Variants in ITPR1 observed in about 807,000 individuals in gnomAD.
The protein encoded by ITPR1 is inositol 1,4,5-trisphosphate receptor type 1.
A neutral mutation model predicts 318.4 loss-of-function variants in ITPR1; 96 were observed. The observed-to-expected ratio is 0.30, with a 90% CI of 0.26 to 0.36. The LOEUF is 0.36. ITPR1 is among the 10% of genes least tolerant of loss of function. The pLI is 1.00. For synonymous variants in ITPR1, 1,312 were observed against 1,289.9 expected, an observed-to-expected ratio of 1.02 and a Z score of -0.37; for missense variants, 2,440 against 3,460.2, an observed-to-expected ratio of 0.71 and a Z score of 7.40.
chr3:4,613,746 C>G (rs946531394), intron 4 of ITPR1, among the ~76,000 whole-genome samples: 3 of 152,180 alleles, frequency 2.0e-5, no homozygotes, highest in African/African-American at 4.8e-5. Context: ...GATCATCCTT[C>G]TTTTCATGGG....
intron 4 of ITPR1, among the ~76,000 whole-genome samples, chr3:4,586,103 C>CACT (rs1425486659): frequency 2.0e-5 from 3 of 152,176 alleles, no homozygotes; most frequent in Non-Finnish European, 4.4e-5. Flanking sequence ...ATGAACTCAT[C>CACT]TTTTTATGGC....
In ITPR1 at chr3:4,768,659, C is replaced by A. The variant is rs770373369; in HGVS notation, c.5874C>A (p.Ala1958=). Residue 1958 remains alanine, a synonymous_variant, in exon 46 of 62, where the codon GCC becomes GCA. Coordinates refer to ENST00000649015, the MANE Select transcript of ITPR1 (RefSeq NM_001378452.1). ...CTGGAGAGGGCACCCAGGCCACTGC[C>A]GACAAGGCCAAGGACGACCTGGAGA... ...YQPGEGTQAT[A]DKAKDDLEMS... is the part of the protein sequence containing the mutation. The A allele has an allele frequency of 9.3e-6, 15 of 1,613,840 alleles. No homozygotes were observed. Among genetic ancestry groups the A allele is most frequent in the South Asian group, 6.6e-5 (6 of 91,078 alleles).
At position 4,782,609 on chromosome 3, in the gene ITPR1, C is replaced by T. The variant is rs2125397830; in HGVS notation, c.6388-10C>T. The T allele has an allele frequency of 8.1e-6, 13 of 1,601,188 alleles. No homozygotes were observed. Among genetic ancestry groups the T allele is most frequent in the Non-Finnish European group, 1.1e-5 (13 of 1,173,510 alleles). ...AAACAGGATTTTTGTTCCCTTGGCT[C>T]TTCTTGCAGGTGGAAGTGATCAAGA... On this transcript the variant is annotated splice_polypyrimidine_tract_variant and intron_variant, in intron 49 of 61. Transcript: ENST00000649015.
chr3:4,517,198 G>A (rs561707764), intron 3 of ITPR1, among the ~76,000 whole-genome samples: 195 of 152,054 alleles, frequency 1.3e-3, no homozygotes, highest in African/African-American at 4.5e-3. Context: ...ATCTTCTCCC[G>A]TCTCCTCCTA....
At chr3:4,643,828 C>T (rs2093393219) in intron 7 of ITPR1, among the ~76,000 whole-genome samples, 1 of 150,612 alleles carries the variant, frequency 6.6e-6, no homozygotes, top group African/African-American at 2.4e-5. Flanking sequence ...TTAGTTAAAA[C>T]TTACTTATAT....
At chr3:4,564,207 C>T (rs1351661675) in intron 4 of ITPR1, among the ~76,000 whole-genome samples, 3 of 152,158 alleles carry the variant, frequency 2.0e-5, no homozygotes, top group African/African-American at 7.2e-5. Flanking sequence ...TCCCAAAGTG[C>T]TGGGATTACA....
chr3:4,679,535 C>T (rs1027366119), intron 24 of ITPR1, among the ~76,000 whole-genome samples: 4 of 152,206 alleles, frequency 2.6e-5, no homozygotes, highest in African/African-American at 9.6e-5. Flanking sequence ...ATTCGGTCTT[C>T]CTCCACCTGT....
At chr3:4,670,286 C>T (rs2094045356) in intron 19 of ITPR1, among the ~76,000 whole-genome samples, 2 of 152,210 alleles carry the variant, frequency 1.3e-5, no homozygotes, top group African/African-American at 4.8e-5. Context: ...TAAATTACGT[C>T]CTGAGCTAGT....
intron 60 of ITPR1, among the ~76,000 whole-genome samples, chr3:4,820,474 G>C (rs550814359): frequency 4.6e-5 from 7 of 152,250 alleles, no homozygotes; most frequent in Admixed American, 1.3e-4. Flanking sequence ...AGACTTAAAG[G>C]CGTCTTGTGA....
chr3:4,721,182 A>G (rs201607651), intron 40 of ITPR1, among the ~76,000 whole-genome samples: 3,670 of 25,646 alleles, frequency 0.14, 174 homozygotes, highest in Non-Finnish European at 0.33. Context: ...GTATATATAT[A>G]TATATATATA....
chr3:4,573,881 G>A (rs2088305975), intron 4 of ITPR1, among the ~76,000 whole-genome samples: 1 of 152,176 alleles, frequency 6.6e-6, no homozygotes, highest in Admixed American at 6.5e-5. Context: ...TCTTATGGCT[G>A]TTTTCCCCAA....
chr3:4,748,160 C>A (rs1200595262), intron 44 of ITPR1, among the ~76,000 whole-genome samples: 1 of 152,228 alleles, frequency 6.6e-6, no homozygotes, highest in African/African-American at 2.4e-5. Flanking sequence ...TACCCAAAGT[C>A]ACCCAGTTGG....
At chr3:4,657,764 C>G (rs1281597861) in intron 12 of ITPR1, among the ~76,000 whole-genome samples, 1 of 151,874 alleles carries the variant, frequency 6.6e-6, no homozygotes, top group Non-Finnish European at 1.5e-5. Context: ...TGCAGCCAGC[C>G]TGGGCTAATT....
intron 4 of ITPR1, among the ~76,000 whole-genome samples, chr3:4,624,694 G>C (rs930620441): frequency 3.8e-5 from 5 of 132,338 alleles, no homozygotes; most frequent in Admixed American, 3.0e-4. Flanking sequence ...AAAAAAAAAA[G>C]ATTAAACTAT....
intron 19 of ITPR1, 69 bp downstream of exon 19, chr3:4,669,842 A>G: frequency 1.4e-6 from 2 of 1,409,200 alleles, no homozygotes. Context: ...ATGAGGAATA[A>G]AACCTAGCCC....
In ITPR1 at chr3:4,758,849, G is replaced by T. The variant is rs2931772; in HGVS notation, c.5545-7681G>T. On this transcript the variant is annotated intron_variant, in intron 44 of 61. Coordinates refer to ENST00000649015, the MANE Select transcript of ITPR1 (RefSeq NM_001378452.1). ...CATTTGTGCCCTGGGTTCGTTAGCT[G>T]AAAAATGAGGGTCTTACCATCTGCC... is the stretch of plus-strand genomic sequence containing the variant. Among the ~76,000 whole-genome samples the T allele has an allele frequency of 4.5e-4, 69 of 152,306 alleles. 1 individual carries two copies. In the East Asian group the frequency reaches 0.012, roughly 26 times the overall value.
chr3:4,735,169 G>A lies in ITPR1; in HGVS notation c.5359G>A (p.Gly1787Ser), dbSNP rs780633544. ...GPGKPGGGGG[G>S]SGSSSMSRGE... ...ACAATATTCCATCTTCTTAGGGGGA[G>A]GTTCCGGATCCAGCTCTATGAGCAG... Residue 1787 changes from glycine (G) to serine (S), a missense_variant, in exon 44 of 62, where the codon GGT (glycine) becomes AGT (serine). Coordinates refer to ENST00000649015, the MANE Select transcript of ITPR1 (RefSeq NM_001378452.1). 6 of 1,611,958 alleles carry A rather than the reference G, an allele frequency of 3.7e-6. No homozygotes were observed. The South Asian group carries it at 6.6e-5, about 18-fold the overall frequency.
intron 4 of ITPR1, among the ~76,000 whole-genome samples, chr3:4,562,729 T>TA (rs34217045): frequency 0.012 from 1,761 of 147,032 alleles, 29 homozygotes; most frequent in African/African-American, 0.041. Flanking sequence ...ACGCATTCAT[T>TA]AAAAAAAAAA....
intron 19 of ITPR1, among the ~76,000 whole-genome samples, chr3:4,670,197 T>C (rs1378792654): frequency 6.6e-6 from 1 of 152,162 alleles, no homozygotes; most frequent in Non-Finnish European, 1.5e-5. Flanking sequence ...TTGTTACCAG[T>C]AGTAATTCAT....
Sources: gnomAD v4.1 joint callset for allele counts (sites outside exome capture counted in the v4.1 genomes callset) on GRCh38, gnomAD v4.1.1 for gene constraint, MANE v1.5 for transcripts, NCBI Gene and HGNC (gene_info 2026-07-23, HGNC 2026-07-21) for gene names.